The following SCNN1B variants were observed in gnomAD, a reference collection of about 807,000 sequenced individuals.
SCNN1B encodes the protein epithelial sodium channel subunit beta.
Under a neutral mutation model 65.3 loss-of-function variants are expected in SCNN1B, and 46 were observed. The ratio of observed to expected loss-of-function variants is 0.70; its 90% CI spans 0.56 to 0.90. The LOEUF (loss-of-function observed/expected upper bound fraction) is 0.90. SCNN1B is among the 40% of genes least tolerant of loss of function. SCNN1B has a pLI of 0.00. For missense variants in SCNN1B, 751 were observed against 830.5 expected (o/e 0.90, Z 1.18); for synonymous variants, 349 against 330.6 (o/e 1.06, Z -0.60).
intron 2 of SCNN1B, among the ~76,000 whole-genome samples, chr16:23,288,191 AT>A (rs563445812): frequency 9.3e-5 from 14 of 151,264 alleles, no homozygotes; most frequent in East Asian, 3.9e-4. Context: ...CAAAGTATGG[AT>A]TTTTTTTTCT....
intron 4 of SCNN1B, among the ~76,000 whole-genome samples, chr16:23,361,562 A>G (rs1332424635): frequency 1.3e-5 from 2 of 152,230 alleles, no homozygotes; most frequent in Non-Finnish European, 1.5e-5. Flanking sequence ...TTGACACAGT[A>G]TGGACTCCTG....
intron 1 of SCNN1B, among the ~76,000 whole-genome samples, chr16:23,343,715 A>T (rs16940025): frequency 0.084 from 12,404 of 148,318 alleles, 744 homozygotes; most frequent in South Asian, 0.14. Context: ...TTGTTTTTGC[A>T]TTTGCTAACA....
intron 1 of SCNN1B, among the ~76,000 whole-genome samples, chr16:23,345,087 G>A (rs1193427260): frequency 6.6e-6 from 1 of 152,216 alleles, no homozygotes; most frequent in African/African-American, 2.4e-5. Context: ...TTCTGGGGAA[G>A]GAAGGTGAGA....
At chr16:23,285,661 A>AT (rs1447945223) in intron 2 of SCNN1B, among the ~76,000 whole-genome samples, 4 of 118,726 alleles carry the variant, frequency 3.4e-5, no homozygotes, top group Admixed American at 3.1e-4. Context: ...AACAATAATA[A>AT]TAAAAAAAAA....
chr16:23,360,544 G>A (rs1190092389), intron 4 of SCNN1B, among the ~76,000 whole-genome samples: 1 of 149,834 alleles, frequency 6.7e-6, no homozygotes, highest in East Asian at 1.9e-4. Context: ...GTGACAGAGT[G>A]AGAGTAAAAT....
intron 7 of SCNN1B, among the ~76,000 whole-genome samples, chr16:23,372,388 C>T (rs1962803043): frequency 6.6e-6 from 1 of 152,098 alleles, no homozygotes; most frequent in South Asian, 2.1e-4. Flanking sequence ...ATTTAACTTT[C>T]ACAACAACCC....
chr16:23,314,623 G>A lies in SCNN1B; in HGVS notation c.-9+12186G>A, dbSNP rs559610720. On this transcript the variant is annotated intron_variant, in intron 1 of 12. Coordinates refer to ENST00000343070, the MANE Select transcript of SCNN1B (RefSeq NM_000336.3). ...TGAGAGGTGAGTGTGGAGGAGGAGG[G>A]GAATTTTTTTCTCTGTGACATGGCT... Among the ~76,000 whole-genome samples the A allele has an allele frequency of 7.6e-4, 116 of 152,142 alleles. 6 individuals are homozygous for A. The South Asian group carries it at 0.024, about 31-fold the overall frequency.
At chr16:23,304,138 T>C (rs978296654) in intron 1 of SCNN1B, 14 of 1,473,692 alleles carry the variant, frequency 9.5e-6, no homozygotes, top group Non-Finnish European at 1.2e-5. Context: ...TAAATTGTTA[T>C]CTCTGGGTTA....
intron 3 of SCNN1B, 99 bp downstream of exon 3, chr16:23,353,173 A>T (rs1164441040): frequency 1.2e-5 from 17 of 1,374,930 alleles, no homozygotes; most frequent in Non-Finnish European, 1.7e-5. Flanking sequence ...TGGGGGAAAG[A>T]CAAGATGGAA....
intron 1 of SCNN1B, among the ~76,000 whole-genome samples, chr16:23,312,934 G>A (rs1961375484): frequency 6.6e-6 from 1 of 152,108 alleles, no homozygotes; most frequent in African/African-American, 2.4e-5. Flanking sequence ...CCTACATTTG[G>A]GTGGGAAGGC....
chr16:23,309,621 G>A (rs1961297691), intron 1 of SCNN1B, among the ~76,000 whole-genome samples: 1 of 152,192 alleles, frequency 6.6e-6, no homozygotes, highest in Non-Finnish European at 1.5e-5. Flanking sequence ...TAGCCTAGGA[G>A]GCTAGGCCAG....
In SCNN1B at chr16:23,380,721, A is replaced by G; in HGVS notation, c.1843A>G (p.Thr615Ala). The change falls in exon 13 of 13, where the codon ACC becomes GCC. Residue 615 changes from threonine (T) to alanine (A), a missense_variant. Thr to Ala is a moderately conservative substitution (Grantham distance 58, BLOSUM62 0). Coordinates refer to ENST00000343070, the MANE Select transcript of SCNN1B (RefSeq NM_000336.3). The surrounding 1 kb of genome is among the most constrained non-coding windows in gnomAD (Gnocchi z 5.4). ...TGAGCAGGCCCTGCCCATCCCAGGCACCCCGCCCCCCAACTATGACTCCCT... is the reference window on the plus strand; with the variant it reads ...TGAGCAGGCCCTGCCCATCCCAGGCGCCCCGCCCCCCAACTATGACTCCCT... The part of the protein sequence containing the change: ...PSEQALPIPG[T>A]PPPNYDSLRL... 1 of 1,610,688 alleles carries G rather than the reference A, an allele frequency of 6.2e-7. No individual in the cohort carries two copies. The highest frequency in any genetic ancestry group is 8.5e-7 in the Non-Finnish European group (1 of 1,179,138).
chr16:23,292,580 T>C (rs898911515), intron 2 of SCNN1B, among the ~76,000 whole-genome samples: 2 of 151,918 alleles, frequency 1.3e-5, no homozygotes, highest in African/African-American at 4.8e-5. Flanking sequence ...CATAGTTCAC[T>C]GCAGTGAATC....
chr16:23,350,253 A>C (rs2142017709), intron 2 of SCNN1B, among the ~76,000 whole-genome samples: 1 of 152,282 alleles, frequency 6.6e-6, no homozygotes. Context: ...GGTTCAGAGA[A>C]GTAAGTGAGC....
intron 1 of SCNN1B, among the ~76,000 whole-genome samples, chr16:23,318,147 C>G (rs1961511205): frequency 6.6e-6 from 1 of 152,102 alleles, no homozygotes; most frequent in Non-Finnish European, 1.5e-5. Flanking sequence ...TATTGATTGT[C>G]CTTAATATAG....
At chr16:23,347,689 C>G (rs556018722) in intron 1 of SCNN1B, among the ~76,000 whole-genome samples, 1 of 152,320 alleles carries the variant, frequency 6.6e-6, no homozygotes, top group East Asian at 1.9e-4. Flanking sequence ...GGGTGGATCA[C>G]TTGAGCTCAG....
intron 4 of SCNN1B, 33 bp downstream of exon 4, chr16:23,355,522 C>G: frequency 6.2e-7 from 1 of 1,608,554 alleles, no homozygotes; most frequent in South Asian, 1.1e-5. Context: ...CCGGCCAGGC[C>G]CTGGCACCGA....
chr16:23,372,009 G>T, intron 7 of SCNN1B, 126 bp downstream of exon 7: 1 of 746,078 alleles, frequency 1.3e-6, no homozygotes, highest in East Asian at 2.7e-5. Flanking sequence ...AGGTTGCCAC[G>T]GGGCACCCCG....
chr16:23,314,764 T>C (rs1961415981), intron 1 of SCNN1B, among the ~76,000 whole-genome samples: 1 of 152,146 alleles, frequency 6.6e-6, no homozygotes, highest in Non-Finnish European at 1.5e-5. Flanking sequence ...ACAAAGAGGG[T>C]ACTCAGCCCC....
Sources: gnomAD v4.1 joint callset for allele counts (sites outside exome capture counted in the v4.1 genomes callset) on GRCh38, gnomAD v4.1.1 for gene constraint, Gnocchi (gnomAD v3.1) non-coding constraint, MANE v1.5 for transcripts, NCBI Gene and HGNC (gene_info 2026-07-23, HGNC 2026-07-21) for gene names.